VPS39: variants seen among roughly 807,000 people sequenced by gnomAD.
VPS39 encodes VPS39 subunit of HOPS complex.
A neutral mutation model predicts 121.0 loss-of-function variants in VPS39; 70 were observed. The ratio of observed to expected loss-of-function variants is 0.58; its 90% CI spans 0.48 to 0.71. The LOEUF (loss-of-function observed/expected upper bound fraction) is 0.71. VPS39 is among the 30% of genes least tolerant of loss of function. The pLI, the probability that VPS39 is intolerant of heterozygous loss-of-function variation, is 0.00. For synonymous variants in VPS39, 378 were observed against 398.1 expected (o/e 0.95, Z 0.60); for missense variants, 818 against 1,051.5 (o/e 0.78, Z 3.07).
chr15:42,179,777 C>G (rs1374501913), intron 8 of VPS39, among the ~76,000 whole-genome samples: 2 of 152,074 alleles, frequency 1.3e-5, no homozygotes, highest in African/African-American at 4.8e-5. Flanking sequence ...GATGCTCCAC[C>G]TGATGGCTGC....
chr15:42,179,868 G>C (rs2049545984), intron 8 of VPS39, among the ~76,000 whole-genome samples: 1 of 152,108 alleles, frequency 6.6e-6, no homozygotes, highest in African/African-American at 2.4e-5. Flanking sequence ...GGGAGGTGGG[G>C]CCTAATGGGA....
intron 2 of VPS39, among the ~76,000 whole-genome samples, chr15:42,196,177 G>C (rs112448669): frequency 2.6e-4 from 40 of 151,756 alleles, no homozygotes; most frequent in African/African-American, 9.7e-4. Context: ...AATTCAAGAT[G>C]GATTAAAGAC....
intron 2 of VPS39, among the ~76,000 whole-genome samples, chr15:42,194,278 A>C (rs1199208289): frequency 2.0e-5 from 3 of 151,940 alleles, no homozygotes; most frequent in Non-Finnish European, 4.4e-5. Context: ...GTTAAAGACC[A>C]GACTGGCCAA....
chr15:42,163,065 C>T (rs530693819), intron 21 of VPS39, among the ~76,000 whole-genome samples: 3 of 152,164 alleles, frequency 2.0e-5, no homozygotes, highest in Non-Finnish European at 4.4e-5. Flanking sequence ...AGAACCATGA[C>T]GGGTTCCCGC....
chr15:42,177,673 T>TG (rs978928284), intron 10 of VPS39, among the ~76,000 whole-genome samples: 4 of 152,134 alleles, frequency 2.6e-5, no homozygotes, highest in African/African-American at 9.7e-5. Flanking sequence ...TTAATTTTTT[T>TG]TTTTGTTTTT....
intron 2 of VPS39, among the ~76,000 whole-genome samples, chr15:42,196,508 G>A (rs1336819874): frequency 6.6e-6 from 1 of 152,082 alleles, no homozygotes; most frequent in African/African-American, 2.4e-5. Context: ...GTAGGCAAAG[G>A]ATATGAACAG....
chr15:42,196,305 G>A (rs1367263482), intron 2 of VPS39, among the ~76,000 whole-genome samples: 1 of 152,030 alleles, frequency 6.6e-6, no homozygotes. Flanking sequence ...GGCAACAAAA[G>A]CCAAAATTGA....
chr15:42,185,026 A>G (rs2049670910), intron 7 of VPS39, among the ~76,000 whole-genome samples: 1 of 152,212 alleles, frequency 6.6e-6, no homozygotes, highest in African/African-American at 2.4e-5. Context: ...TTTAAGATAC[A>G]CTTGCCATAT....
intron 21 of VPS39, 166 bp from the exon 22 acceptor site, chr15:42,162,647 AC>A: frequency 1.4e-6 from 1 of 721,482 alleles, no homozygotes; most frequent in Non-Finnish European, 2.0e-6. Flanking sequence ...CAAACAGGCA[AC>A]TGAAGATGTT....
intron 12 of VPS39, among the ~76,000 whole-genome samples, 186 bp from the exon 13 acceptor site, chr15:42,167,723 C>T (rs980007221): frequency 4.6e-5 from 7 of 152,116 alleles, no homozygotes; most frequent in African/African-American, 1.2e-4. Flanking sequence ...ATATTTACTA[C>T]AGACCAGGCA....
In VPS39 at chr15:42,162,012, T is replaced by C; in HGVS notation, c.2460+20A>G. 1.2e-6 allele frequency: 2 copies of C among 1,613,798 alleles called. No individual in the cohort carries two copies. The highest frequency in any genetic ancestry group is 2.2e-5 in the South Asian group (2 of 91,042). On this transcript the variant is annotated intron_variant, in intron 23 of 24. Coordinates refer to ENST00000318006, the MANE Select transcript of VPS39 (RefSeq NM_015289.5). ...TAAAAGTTAAAAGCCCACCCTAGAG[T>C]TTGGAAGGCCCATACCTACCCTCAG... is the stretch of plus-strand genomic sequence containing the variant.
chr15:42,199,758 A>C (rs1367579295), intron 2 of VPS39, 138 bp downstream of exon 2: 2 of 876,542 alleles, frequency 2.3e-6, no homozygotes, highest in Non-Finnish European at 3.4e-6. Flanking sequence ...AGGCATTCTC[A>C]AGTCTTCTCC....
intron 23 of VPS39, 62 bp downstream of exon 23, chr15:42,161,961 GGGAACATGT>G: frequency 6.2e-7 from 1 of 1,605,132 alleles, no homozygotes; most frequent in Non-Finnish European, 8.5e-7. Flanking sequence ...TTGGTCAGAA[GGGAACATGT>G]GGACATTGTC....
At chr15:42,192,094 T>C (rs1263714537) in intron 2 of VPS39, 1 of 1,536,302 alleles carries the variant, frequency 6.5e-7, no homozygotes, top group Non-Finnish European at 8.7e-7. Flanking sequence ...CTACATCTGC[T>C]GGCACTGTTA....
intron 16 of VPS39, 64 bp from the exon 17 acceptor site, chr15:42,165,880 C>T (rs375967273): frequency 1.9e-5 from 28 of 1,443,634 alleles, no homozygotes; most frequent in African/African-American, 7.0e-5. Context: ...CAAACACACA[C>T]GCATGTGAGC....
chr15:42,188,619 G>A (rs1387426231), intron 5 of VPS39, among the ~76,000 whole-genome samples: 2 of 152,166 alleles, frequency 1.3e-5, no homozygotes, highest in African/African-American at 4.8e-5. Flanking sequence ...CACAGGGAAT[G>A]CAAACGCTTC....
In VPS39 at chr15:42,189,118, A is replaced by G; in HGVS notation, c.338T>C (p.Leu113Pro). The G allele has an allele frequency of 6.2e-7, 1 of 1,613,362 alleles. No individual in the cohort carries two copies. The highest frequency in any genetic ancestry group is 8.5e-7 in the Non-Finnish European group (1 of 1,179,314). ...TTTCATCTTGGGTAAACTTACCTGGAGGTCACAAGTAAACAGTGATGCTCC... is the reference window on the plus strand; with the variant it reads ...TTTCATCTTGGGTAAACTTACCTGGGGGTCACAAGTAAACAGTGATGCTCC... Reference protein sequence around the residue: ...AKGASLFTCDLQHTETGEEVL... With the variant: ...AKGASLFTCDPQHTETGEEVL... The change falls in exon 5 of 25, where the codon CTC (leucine) becomes CCC (proline). Residue 113 changes from leucine to proline, a missense_variant. Leu to Pro is a moderately conservative substitution (Grantham distance 98, BLOSUM62 -3). Coordinates refer to ENST00000318006, the MANE Select transcript of VPS39 (RefSeq NM_015289.5).
At chr15:42,191,816 G>T (rs1037829077) in intron 2 of VPS39, among the ~76,000 whole-genome samples, 3 of 152,172 alleles carry the variant, frequency 2.0e-5, no homozygotes, top group Non-Finnish European at 2.9e-5. Context: ...CACTGAAGCG[G>T]CAAGGTACTC....
chr15:42,208,282 A>C lies in VPS39; in HGVS notation c.-129T>G. ...GAACCCCCCGGCTACAGGCCCTTCAACAACACAGCCATCGTCAACCCCGGA... is the reference window on the plus strand; with the variant it reads ...GAACCCCCCGGCTACAGGCCCTTCACCAACACAGCCATCGTCAACCCCGGA... On this transcript the variant is annotated 5_prime_UTR_variant, in exon 1 of 25. Coordinates refer to ENST00000318006, the MANE Select transcript of VPS39 (RefSeq NM_015289.5). The C allele has an allele frequency of 8.1e-7, 1 of 1,227,278 alleles. No individual in the cohort carries two copies. The highest frequency in any genetic ancestry group is 1.4e-5 in the South Asian group (1 of 69,256). The allele number at this position is 1,227,278 out of a possible 1,614,324, so 76.0% of individuals were successfully genotyped here. A position where few individuals can be genotyped will look rare whatever the true frequency, so the allele number is the denominator to read the frequency against.
Sources: gnomAD v4.1 joint callset for allele counts (sites outside exome capture counted in the v4.1 genomes callset) on GRCh38, gnomAD v4.1.1 for gene constraint, MANE v1.5 for transcripts, NCBI Gene and HGNC (gene_info 2026-07-23, HGNC 2026-07-21) for gene names.